The following SLC9A7 variants were observed in gnomAD, a reference collection of about 807,000 sequenced individuals.
SLC9A7 encodes the protein sodium/hydrogen exchanger 7.
In SLC9A7, 19 loss-of-function variants were observed where a neutral mutation model predicts 52.6. The observed-to-expected ratio is 0.36, with a 90% confidence interval of 0.25 to 0.53. SLC9A7 has a LOEUF of 0.53. Among genes scored for constraint, SLC9A7 ranks in the 20% least tolerant of loss-of-function variants. SLC9A7 has a pLI of 0.91. For synonymous variants in SLC9A7, 226 were observed against 252.1 expected, an observed-to-expected ratio of 0.90 and a Z score of 0.98; for missense variants, 455 against 597.9, an observed-to-expected ratio of 0.76 and a Z score of 2.49.
intron 1 of SLC9A7, among the ~76,000 whole-genome samples, chrX:46,711,907 C>T (rs12688924): frequency 5.6e-4 from 29 of 51,929 alleles, no homozygotes; most frequent in Non-Finnish European, 1.1e-3. Context: ...ATTACACACA[C>T]ACACACACAC....
At chrX:46,697,422 C>T (rs1272128111) in intron 1 of SLC9A7, among the ~76,000 whole-genome samples, 1 of 111,860 alleles carries the variant, frequency 8.9e-6, no homozygotes, top group Admixed American at 9.5e-5. Context: ...GCTGAAGCCA[C>T]GGCAGAAGAA....
intron 1 of SLC9A7, among the ~76,000 whole-genome samples, chrX:46,699,580 G>A (rs1189953439): frequency 1.8e-5 from 2 of 111,358 alleles, no homozygotes; most frequent in South Asian, 7.6e-4. Flanking sequence ...GATTATTGCT[G>A]CCTATTCCAG....
At chrX:46,697,927 C>A (rs1223128580) in intron 1 of SLC9A7, among the ~76,000 whole-genome samples, 1 of 111,404 alleles carries the variant, frequency 9.0e-6, no homozygotes. Flanking sequence ...AACTGGCCCC[C>A]CTGGGCATGG....
In SLC9A7 at chrX:46,662,713, T is replaced by C. The variant is rs1943845350; in HGVS notation, c.794-70A>G. 3 of 775,515 alleles carry C rather than the reference T, an allele frequency of 3.9e-6. No homozygotes were observed. In the South Asian group the frequency reaches 7.1e-5, roughly 18 times the overall value. The allele number at this position is 775,515 out of a possible 1,213,427, so 63.9% of individuals were successfully genotyped here. A position where few individuals can be genotyped will look rare whatever the true frequency, so the allele number is the denominator to read the frequency against. On this transcript the variant is annotated intron_variant, in intron 5 of 16. Coordinates refer to ENST00000616978, the MANE Select transcript of SLC9A7 (RefSeq NM_001257291.2). ...CCTTAAATCACTGATTACAGATTTA[T>C]AGAGGCAATTCCTATCTTGGGTGGG...
chrX:46,670,068 T>C (rs1251208894), intron 4 of SLC9A7, among the ~76,000 whole-genome samples: 3 of 111,855 alleles, frequency 2.7e-5, no homozygotes, highest in Non-Finnish European at 5.6e-5. Flanking sequence ...CATAATGTTT[T>C]TGTAGCAATA....
At chrX:46,674,242 T>G (rs1195673782) in intron 3 of SLC9A7, among the ~76,000 whole-genome samples, 1 of 111,779 alleles carries the variant, frequency 8.9e-6, no homozygotes, top group African/African-American at 3.3e-5. Context: ...TTCATGACAT[T>G]AGCCAAAGCA....
chrX:46,660,887 C>T (rs1441260626), intron 7 of SLC9A7, among the ~76,000 whole-genome samples: 1 of 109,188 alleles, frequency 9.2e-6, no homozygotes, highest in Non-Finnish European at 1.9e-5. Context: ...ACCCAAAGGA[C>T]TATAAATCAT....
At chrX:46,693,251 T>C (rs1944405712) in intron 1 of SLC9A7, among the ~76,000 whole-genome samples, 1 of 111,633 alleles carries the variant, frequency 9.0e-6, no homozygotes, top group Admixed American at 9.6e-5. Context: ...AAGCTGAGCC[T>C]AAAACATACA....
At chrX:46,684,098 A>AT (rs761008767) in intron 1 of SLC9A7, among the ~76,000 whole-genome samples, 1 of 112,408 alleles carries the variant, frequency 8.9e-6, no homozygotes, top group African/African-American at 3.2e-5. Flanking sequence ...AAACAACTTG[A>AT]TTTTTTTTAC....
chrX:46,681,911 C>T lies in SLC9A7; in HGVS notation c.525+425G>A, dbSNP rs186182187. ...TATTTGTAGGATATAGCAAAAGAAC[C>T]ACGAAGAACTAAGAATTACCCTTCT... On this transcript the variant is annotated intron_variant, in intron 2 of 16. Coordinates refer to ENST00000616978, the MANE Select transcript of SLC9A7 (RefSeq NM_001257291.2). 3.8e-3 allele frequency among the ~76,000 whole-genome samples: 422 copies of T among 111,850 alleles called. 1 individual carries two copies. The highest frequency in any genetic ancestry group is 0.013 in the African/African-American group (388 of 30,771).
chrX:46,628,438 C>T (rs1429233266), intron 14 of SLC9A7, among the ~76,000 whole-genome samples: 1 of 111,757 alleles, frequency 8.9e-6, no homozygotes, highest in Non-Finnish European at 1.9e-5. Context: ...ATGAGTCAAA[C>T]TTACCAGGGG....
At chrX:46,723,988 G>C (rs1481018921) in intron 1 of SLC9A7, among the ~76,000 whole-genome samples, 1 of 112,220 alleles carries the variant, frequency 8.9e-6, no homozygotes, top group Non-Finnish European at 1.9e-5. Flanking sequence ...AGTTACTTGA[G>C]AGGCTGAGGC....
Position 46,675,061 on chromosome X carries a change from A to ATGTGTGTG in SLC9A7, c.604-2442_604-2435dup, listed in dbSNP as rs397895552. 8.0e-3 allele frequency among the ~76,000 whole-genome samples: 552 copies of ATGTGTGTG among 68,856 alleles called. 9 individuals are homozygous for ATGTGTGTG. Among genetic ancestry groups the ATGTGTGTG allele is most frequent in the Non-Finnish European group, 0.013 (435 of 33,607 alleles). The allele number at this position is 68,856 out of a possible 115,157, so 59.8% of individuals were successfully genotyped here. Reference sequence around the variant, plus strand: ...AGAGAGAGAAAGAGAGAGAGAGTGAATGTGTGTGTGTGTGTGTGTGTGTGT... The same window carrying ATGTGTGTG: ...AGAGAGAGAAAGAGAGAGAGAGTGAATGTGTGTGTGTGTGTGTGTGTGTGTGTGTGTGT... On this transcript the variant is annotated intron_variant, in intron 3 of 16. Coordinates refer to ENST00000616978, the MANE Select transcript of SLC9A7 (RefSeq NM_001257291.2).
rs782017717 is a variant in SLC9A7 at position 46,758,953 on chromosome X, GGCAGCA to G, written c.71_76del (p.Leu24_Leu25del). ...TCGCAGCCCCCAACCCAGCAGCAGC[GGCAGCA>G]GCAGCAGCCGCGGCGGCGGCGCCCC... On this transcript the variant is annotated inframe_deletion, in exon 1 of 17. Transcript: ENST00000616978. 1 of 1,073,070 alleles carries G rather than the reference GGCAGCA, an allele frequency of 9.3e-7. No individual in the cohort carries two copies. Among genetic ancestry groups the G allele is most frequent in the East Asian group, 3.9e-5 (1 of 25,362 alleles). The allele number at this position is 1,073,070 out of a possible 1,213,427, so 88.4% of individuals were successfully genotyped here.
At chrX:46,676,524 G>C (rs1218377566) in intron 3 of SLC9A7, among the ~76,000 whole-genome samples, 3 of 111,975 alleles carry the variant, frequency 2.7e-5, no homozygotes, top group African/African-American at 9.7e-5. Flanking sequence ...CTGATAAAGG[G>C]AAGGTTCTGC....
intron 1 of SLC9A7, among the ~76,000 whole-genome samples, chrX:46,695,258 G>A (rs1312039154): frequency 1.8e-5 from 2 of 112,431 alleles, no homozygotes; most frequent in African/African-American, 6.5e-5. Context: ...TCTAGAGATC[G>A]CATGTGCGAT....
At chrX:46,671,433 T>A (rs1240213855) in intron 4 of SLC9A7, among the ~76,000 whole-genome samples, 1 of 109,754 alleles carries the variant, frequency 9.1e-6, no homozygotes, top group Non-Finnish European at 1.9e-5. Context: ...GCTAATTTTT[T>A]TTTTTTTTTG....
At chrX:46,671,617 C>T (rs1944026058) in intron 4 of SLC9A7, among the ~76,000 whole-genome samples, 2 of 111,652 alleles carry the variant, frequency 1.8e-5, no homozygotes, top group Non-Finnish European at 3.8e-5. Flanking sequence ...GAGTACTGCT[C>T]AGATATTTTG....
intron 7 of SLC9A7, among the ~76,000 whole-genome samples, chrX:46,654,642 G>A (rs1943640629): frequency 2.7e-5 from 3 of 110,049 alleles, no homozygotes; most frequent in Non-Finnish European, 5.7e-5. Flanking sequence ...CACCACCGAG[G>A]CCACCTGAGT....
Sources: allele counts gnomAD v4.1 joint callset (sites outside exome capture counted in the v4.1 genomes callset), GRCh38; gene constraint gnomAD v4.1.1; transcripts MANE v1.5; gene names NCBI Gene and HGNC (gene_info 2026-07-23, HGNC 2026-07-21).